The following MAML3 variants were observed in gnomAD, a reference collection of about 807,000 sequenced individuals.
The protein encoded by MAML3 is mastermind like transcriptional coactivator 3.
In MAML3, 27 loss-of-function variants were observed where a neutral mutation model predicts 101.9. That is an observed-to-expected ratio of 0.27 (90% CI 0.20 to 0.37). MAML3 has a LOEUF of 0.37. Ranked by LOEUF, MAML3 falls within the 10% of genes least tolerant of loss-of-function variation. MAML3 has a pLI of 1.00. For missense variants in MAML3, 1,316 were observed against 1,444.9 expected (o/e 0.91, Z 1.45); for synonymous variants, 501 against 555.9 (o/e 0.90, Z 1.39).
chr4:139,955,645 C>T (rs1733903615), intron 1 of MAML3, among the ~76,000 whole-genome samples: 1 of 152,166 alleles, frequency 6.6e-6, no homozygotes. Flanking sequence ...ATGCATTACA[C>T]AGTCTCTTTA....
intron 1 of MAML3, among the ~76,000 whole-genome samples, chr4:140,075,927 A>AT (rs1727758328): frequency 6.6e-6 from 1 of 152,066 alleles, no homozygotes; most frequent in Non-Finnish European, 1.5e-5. Flanking sequence ...CAACCAGCTA[A>AT]TTTTTTGTCT....
intron 1 of MAML3, among the ~76,000 whole-genome samples, chr4:140,068,298 A>T (rs938224140): frequency 6.6e-6 from 1 of 152,186 alleles, no homozygotes; most frequent in African/African-American, 2.4e-5. Context: ...TCTCCCATCA[A>T]CCTGAGCACA....
intron 1 of MAML3, among the ~76,000 whole-genome samples, chr4:139,993,950 T>C (rs1734753444): frequency 6.6e-6 from 1 of 152,378 alleles, no homozygotes; most frequent in South Asian, 2.1e-4. Context: ...GATTTTCTTC[T>C]ATGATTTTAG....
intron 1 of MAML3, among the ~76,000 whole-genome samples, chr4:139,922,133 C>T (rs1733141276): frequency 6.6e-6 from 1 of 152,066 alleles, no homozygotes; most frequent in African/African-American, 2.4e-5. Context: ...GGGCTTTAAG[C>T]CAGCCTGTTA....
At chr4:139,903,255 T>G (rs948643966) in intron 1 of MAML3, among the ~76,000 whole-genome samples, 6 of 152,178 alleles carry the variant, frequency 3.9e-5, no homozygotes, top group African/African-American at 9.6e-5. Context: ...GATTAGAGAT[T>G]TAAACCACTG....
chr4:140,096,359 A>G (rs1728164395), intron 1 of MAML3, among the ~76,000 whole-genome samples: 1 of 152,130 alleles, frequency 6.6e-6, no homozygotes, highest in Non-Finnish European at 1.5e-5. Flanking sequence ...ATGACAGCTC[A>G]TTTATCTTGA....
intron 1 of MAML3, among the ~76,000 whole-genome samples, chr4:140,078,940 G>T (rs1324130711): frequency 1.3e-5 from 2 of 152,190 alleles, no homozygotes; most frequent in African/African-American, 4.8e-5. Context: ...GAGAGAGAAA[G>T]TCTGGGTGGG....
intron 1 of MAML3, among the ~76,000 whole-genome samples, chr4:139,949,926 T>C (rs903256734): frequency 6.6e-6 from 1 of 152,208 alleles, no homozygotes; most frequent in Admixed American, 6.5e-5. Context: ...TCCAGTGAGT[T>C]GAACACCTGA....
chr4:139,734,367 T>C (rs924630921), intron 2 of MAML3, among the ~76,000 whole-genome samples: 19 of 152,230 alleles, frequency 1.2e-4, no homozygotes, highest in Non-Finnish European at 2.5e-4. Context: ...TATTTTTAGT[T>C]GTAATTACTG....
At chr4:139,903,597 A>C (rs1732767661) in intron 1 of MAML3, among the ~76,000 whole-genome samples, 1 of 152,194 alleles carries the variant, frequency 6.6e-6, no homozygotes, top group Non-Finnish European at 1.5e-5. Flanking sequence ...GTATCTCAGA[A>C]TGTGACTACA....
At position 139,889,605 on chromosome 4, in the gene MAML3, C is replaced by T. The variant is rs1446881152; in HGVS notation, c.1831G>A (p.Asp611Asn). ...NTKPLTHFNA[D>N]LSQRMTPPVA... ...GGTGGTGTCATCCTCTGACTCAGGT[C>T]TGCATTGAAGTGGGTCAGGGGTTTA... is the stretch of plus-strand genomic sequence containing the variant. Residue 611 changes from aspartate (D) to asparagine (N), a missense_variant, in exon 2 of 5, where the codon GAC (aspartate) becomes AAC (asparagine). Transcript: ENST00000509479. The T allele has an allele frequency of 6.2e-7, 1 of 1,613,682 alleles. No individual in the cohort carries two copies. Among genetic ancestry groups the T allele is most frequent in the Non-Finnish European group, 8.5e-7 (1 of 1,179,884 alleles).
chr4:140,084,866 G>A (rs1727925290), intron 1 of MAML3, among the ~76,000 whole-genome samples: 1 of 152,134 alleles, frequency 6.6e-6, no homozygotes, highest in Non-Finnish European at 1.5e-5. Context: ...CAAAGGTCTA[G>A]TATTTAAAAT....
intron 2 of MAML3, among the ~76,000 whole-genome samples, chr4:139,822,898 T>C (rs754182156): frequency 6.6e-6 from 1 of 152,188 alleles, no homozygotes; most frequent in African/African-American, 2.4e-5. Flanking sequence ...GCAGAAGAAA[T>C]AGTTTGCGTG....
At chr4:140,134,981 C>T (rs1045437156) in intron 1 of MAML3, among the ~76,000 whole-genome samples, 3 of 152,186 alleles carry the variant, frequency 2.0e-5, no homozygotes, top group Non-Finnish European at 4.4e-5. Flanking sequence ...TCATCCTTTG[C>T]ACTTTGGAAT....
At chr4:139,780,063 C>A (rs1281436521) in intron 2 of MAML3, among the ~76,000 whole-genome samples, 1 of 152,192 alleles carries the variant, frequency 6.6e-6, no homozygotes, top group Non-Finnish European at 1.5e-5. Context: ...TAACCTAGAG[C>A]CATGCTGTCC....
intron 1 of MAML3, among the ~76,000 whole-genome samples, chr4:139,940,315 C>A (rs934769201): frequency 6.6e-6 from 1 of 152,098 alleles, no homozygotes; most frequent in Non-Finnish European, 1.5e-5. Context: ...GTTTTCTCTA[C>A]GTGTATCCTA....
intron 1 of MAML3, among the ~76,000 whole-genome samples, chr4:140,068,174 T>C (rs899891742): frequency 3.9e-5 from 6 of 152,152 alleles, no homozygotes; most frequent in African/African-American, 1.4e-4. Flanking sequence ...CAAGGAGACA[T>C]AGACCTCACC....
intron 2 of MAML3, among the ~76,000 whole-genome samples, chr4:139,801,633 G>GGGGTGTGTGTGT (rs1553957606): frequency 6.1e-5 from 9 of 146,394 alleles, no homozygotes; most frequent in African/African-American, 2.3e-4. Context: ...GCAGGAACAG[G>GGGGTGTGTGTGT]GTGTGTGTGG....
chr4:140,065,681 T>C (rs941687624), intron 1 of MAML3, among the ~76,000 whole-genome samples: 1 of 152,220 alleles, frequency 6.6e-6, no homozygotes, highest in Non-Finnish European at 1.5e-5. Context: ...CTTATGTCTC[T>C]CCTAGGCTAT....
Sources: allele counts gnomAD v4.1 joint callset (sites outside exome capture counted in the v4.1 genomes callset), GRCh38; gene constraint gnomAD v4.1.1; transcripts MANE v1.5; gene names NCBI Gene and HGNC (gene_info 2026-07-23, HGNC 2026-07-21).